The following RGS6 variants were observed in gnomAD, a reference collection of about 807,000 sequenced individuals.
The protein encoded by RGS6 is regulator of G-protein signaling 6.
In RGS6, 30 loss-of-function variants were observed where a neutral mutation model predicts 78.5. That is an observed-to-expected ratio of 0.38 (90% CI 0.29 to 0.52). The LOEUF (loss-of-function observed/expected upper bound fraction) is 0.52. RGS6 is among the 20% of genes least tolerant of loss of function. The pLI is 0.85. For synonymous variants in RGS6, 206 were observed against 206.0 expected (o/e 1.00, Z 0.00); for missense variants, 495 against 609.7 (o/e 0.81, Z 1.98).
intron 2 of RGS6, among the ~76,000 whole-genome samples, chr14:72,084,938 G>A (rs184003371): frequency 2.6e-5 from 4 of 152,284 alleles, no homozygotes; most frequent in African/African-American, 9.6e-5. Context: ...GTGTTTGTGC[G>A]TTTGGTGCTT....
At chr14:71,901,824 G>T in the RGS6 span, among the ~76,000 whole-genome samples, 8 of 152,114 alleles carry the variant, frequency 5.3e-5, no homozygotes, top group Non-Finnish European at 1.0e-4. Context: ...TGCTTTAGAG[G>T]ATTACATCTT....
intron 3 of RGS6, among the ~76,000 whole-genome samples, chr14:72,353,137 A>T (rs1201829487): frequency 2.6e-5 from 4 of 152,182 alleles, no homozygotes; most frequent in African/African-American, 9.7e-5. Flanking sequence ...CTAGTTTGGC[A>T]GTTTCTTACA....
chr14:71,975,772 T>A (rs2094087176), intron 2 of RGS6, among the ~76,000 whole-genome samples: 1 of 152,210 alleles, frequency 6.6e-6, no homozygotes, highest in African/African-American at 2.4e-5. Flanking sequence ...TGGGAATTCT[T>A]AACCATTAAC....
Position 72,057,268 on chromosome 14 carries a change from C to T in RGS6, c.84+92393C>T, listed in dbSNP as rs184724932. On this transcript the variant is annotated intron_variant, in intron 2 of 17. Coordinates refer to ENST00000553525, the MANE Select transcript of RGS6 (RefSeq NM_001204424.2). ...GGCAGAGGTTTCAGTGAGCTAAGAT[C>T]GTGCCATTGCACTCTAGCCTGAGTG... Among the ~76,000 whole-genome samples, 586 of 126,496 alleles carry T rather than the reference C, an allele frequency of 4.6e-3. 1 individual carries two copies. The highest frequency in any genetic ancestry group is 0.017 in the African/African-American group (558 of 32,738). The allele number at this position is 126,496 out of a possible 152,430, so 83.0% of individuals were successfully genotyped here.
chr14:72,114,499 T>G (rs897943167), intron 2 of RGS6, among the ~76,000 whole-genome samples: 12 of 152,214 alleles, frequency 7.9e-5, no homozygotes, highest in East Asian at 7.7e-4. Flanking sequence ...CATTGAATGC[T>G]GTCATCTTCA....
chr14:72,435,967 A>G lies in RGS6; in HGVS notation c.185-18561A>G, dbSNP rs570928075. Among the ~76,000 whole-genome samples the G allele has an allele frequency of 2.9e-3, 434 of 152,136 alleles. 4 individuals are homozygous for G. Among genetic ancestry groups the G allele is most frequent in the African/African-American group, 0.01 (415 of 41,474 alleles). On this transcript the variant is annotated intron_variant, in intron 3 of 17. Transcript: ENST00000553525. ...ATGGACATCGGGGGGACATTATTCT[A>G]TTGTCATGTATAAGTAGAGTAAGTA...
chr14:72,040,167 C>A (rs1253588067), intron 2 of RGS6, among the ~76,000 whole-genome samples: 1 of 152,050 alleles, frequency 6.6e-6, no homozygotes, highest in Non-Finnish European at 1.5e-5. Context: ...AAATGACATA[C>A]AACCTACCAG....
the RGS6 span, among the ~76,000 whole-genome samples, chr14:72,605,813 G>T: frequency 6.6e-6 from 1 of 152,198 alleles, no homozygotes; most frequent in Non-Finnish European, 1.5e-5. Flanking sequence ...GAGGGTCATG[G>T]GACCGAGGTG....
At chr14:72,343,988 C>T (rs376868551) in intron 2 of RGS6, among the ~76,000 whole-genome samples, 2 of 152,308 alleles carry the variant, frequency 1.3e-5, no homozygotes, top group East Asian at 1.9e-4. Flanking sequence ...GTCAGAGATT[C>T]CTCAGTCCAG....
At chr14:72,327,326 G>A (rs1043668610) in intron 2 of RGS6, among the ~76,000 whole-genome samples, 1 of 152,148 alleles carries the variant, frequency 6.6e-6, no homozygotes, top group African/African-American at 2.4e-5. Context: ...ATCCCAGGGT[G>A]TGATCAGAGC....
At chr14:71,886,043 A>G in the RGS6 span, among the ~76,000 whole-genome samples, 2 of 135,638 alleles carry the variant, frequency 1.5e-5, no homozygotes, top group Non-Finnish European at 3.1e-5. Context: ...CTTTTATTTT[A>G]TTCAGAAATG....
At chr14:72,251,025 C>G (rs12881198) in intron 2 of RGS6, among the ~76,000 whole-genome samples, 15,139 of 152,208 alleles carry the variant, frequency 0.099, 905 homozygotes, top group East Asian at 0.27. Flanking sequence ...AAAAAGCACT[C>G]TCTTTGTAGA....
chr14:72,276,875 A>G (rs1188005828), intron 2 of RGS6, among the ~76,000 whole-genome samples: 1 of 152,154 alleles, frequency 6.6e-6, no homozygotes, highest in East Asian at 1.9e-4. Context: ...ATTGAAAAAA[A>G]AAAAGTTGAG....
At chr14:72,046,204 GTT>G (rs200140046) in intron 2 of RGS6, among the ~76,000 whole-genome samples, 14,654 of 121,982 alleles carry the variant, frequency 0.12, 815 homozygotes, top group Non-Finnish European at 0.14. Flanking sequence ...TCATTGTTGG[GTT>G]TTTTTTTTTT....
chr14:72,374,246 C>T (rs577449311), intron 3 of RGS6, among the ~76,000 whole-genome samples: 46 of 150,516 alleles, frequency 3.1e-4, no homozygotes, highest in Middle Eastern at 6.9e-3. Flanking sequence ...CCCCTCCCCC[C>T]ACCCCACGAC....
intron 2 of RGS6, among the ~76,000 whole-genome samples, chr14:72,349,876 C>T (rs549943106): frequency 3.9e-5 from 6 of 152,260 alleles, no homozygotes; most frequent in African/African-American, 7.2e-5. Flanking sequence ...TTCCAATTCT[C>T]AATGATTTTC....
At chr14:72,164,317 TTG>T (rs1567353585) in intron 2 of RGS6, among the ~76,000 whole-genome samples, 4 of 152,216 alleles carry the variant, frequency 2.6e-5, no homozygotes, top group Non-Finnish European at 5.9e-5. Context: ...AGTCTTTGAT[TTG>T]CAGGTTGCTT....
At chr14:72,104,205 C>G (rs192959610) in intron 2 of RGS6, among the ~76,000 whole-genome samples, 9 of 152,152 alleles carry the variant, frequency 5.9e-5, no homozygotes, top group Non-Finnish European at 8.8e-5. Context: ...CTCTCTCCCC[C>G]TCTAGGTGGC....
intron 2 of RGS6, among the ~76,000 whole-genome samples, chr14:72,159,311 A>G (rs949187972): frequency 8.5e-5 from 13 of 152,320 alleles, no homozygotes; most frequent in Admixed American, 8.5e-4. Context: ...CCCAGGAAGG[A>G]GGGCCAGAGT....
Sources: allele counts gnomAD v4.1 joint callset (sites outside exome capture counted in the v4.1 genomes callset), GRCh38; gene constraint gnomAD v4.1.1; transcripts MANE v1.5; gene names NCBI Gene and HGNC (gene_info 2026-07-23, HGNC 2026-07-21).